Variants in CADM2 observed in about 807,000 individuals in gnomAD.
The protein encoded by CADM2 is cell adhesion molecule 2, also known as immunoglobulin superfamily member 4D.
In CADM2, 12 loss-of-function variants were observed where a neutral mutation model predicts 49.8. The ratio of observed to expected loss-of-function variants is 0.24; its 90% CI spans 0.15 to 0.39. CADM2 has a LOEUF of 0.39. Among genes scored for constraint, CADM2 ranks in the 10% least tolerant of loss-of-function variants. The pLI is 1.00. For missense variants in CADM2, 378 were observed against 492.3 expected, an observed-to-expected ratio of 0.77 and a Z score of 2.20; for synonymous variants, 214 against 175.4, an observed-to-expected ratio of 1.22 and a Z score of -1.74.
At chr3:85,878,875 C>T (rs1035858228) in intron 3 of CADM2, among the ~76,000 whole-genome samples, 1 of 151,956 alleles carries the variant, frequency 6.6e-6, no homozygotes, top group African/African-American at 2.4e-5. Flanking sequence ...TCAGTGGAAC[C>T]TGTGTTAGGG....
chr3:85,012,056 A>G (rs2034022389), intron 1 of CADM2, among the ~76,000 whole-genome samples: 3 of 151,832 alleles, frequency 2.0e-5, no homozygotes, highest in Non-Finnish European at 2.9e-5. Context: ...CCATTGAGAT[A>G]TAATGGCGAA....
intron 1 of CADM2, among the ~76,000 whole-genome samples, chr3:85,350,059 G>T (rs529926786): frequency 2.6e-5 from 4 of 152,302 alleles, no homozygotes; most frequent in African/African-American, 9.6e-5. Context: ...AATAAATTAT[G>T]CTTATGAAGA....
At chr3:85,526,191 G>T (rs921643667) in intron 1 of CADM2, among the ~76,000 whole-genome samples, 1 of 152,000 alleles carries the variant, frequency 6.6e-6, no homozygotes, top group South Asian at 2.1e-4. Flanking sequence ...GATCTTTCAA[G>T]GCTCACTGTC....
At chr3:85,032,214 G>GT (rs763603532) in intron 1 of CADM2, among the ~76,000 whole-genome samples, 40 of 119,590 alleles carry the variant, frequency 3.3e-4, no homozygotes, top group African/African-American at 1.2e-3. Context: ...CCCAGTTACT[G>GT]GTTTTTTTTT....
At chr3:85,460,408 CT>C (rs2038189883) in intron 1 of CADM2, among the ~76,000 whole-genome samples, 1 of 152,100 alleles carries the variant, frequency 6.6e-6, no homozygotes, top group Non-Finnish European at 1.5e-5. Flanking sequence ...CTCAGACACA[CT>C]TATTGATCTA....
At chr3:85,018,276 C>T (rs1204548190) in intron 1 of CADM2, among the ~76,000 whole-genome samples, 1 of 152,142 alleles carries the variant, frequency 6.6e-6, no homozygotes, top group Non-Finnish European at 1.5e-5. Flanking sequence ...AACAAAACCC[C>T]TCTAAGTCCT....
At chr3:85,104,616 G>A (rs956414990) in intron 1 of CADM2, among the ~76,000 whole-genome samples, 26 of 152,116 alleles carry the variant, frequency 1.7e-4, no homozygotes, top group African/African-American at 5.8e-4. Context: ...GAAAGTCATT[G>A]GTAGCTTGAT....
At chr3:85,354,468 C>T (rs1363917529) in intron 1 of CADM2, among the ~76,000 whole-genome samples, 1 of 151,494 alleles carries the variant, frequency 6.6e-6, no homozygotes, top group Non-Finnish European at 1.5e-5. Flanking sequence ...CAAACCTGCA[C>T]ATTGTGCACA....
chr3:85,614,979 T>C (rs559870319), intron 1 of CADM2, among the ~76,000 whole-genome samples: 132 of 152,122 alleles, frequency 8.7e-4, no homozygotes, highest in Non-Finnish European at 1.5e-3. Flanking sequence ...GCCTTTGATA[T>C]AGCTGTCCTT....
chr3:85,963,888 G>T (rs1184046167), intron 8 of CADM2, among the ~76,000 whole-genome samples: 1 of 151,708 alleles, frequency 6.6e-6, no homozygotes, highest in African/African-American at 2.4e-5. Context: ...ATAGATTAAT[G>T]CTATTCATGC....
chr3:85,197,263 C>A (rs551512841), intron 1 of CADM2, among the ~76,000 whole-genome samples: 1 of 151,882 alleles, frequency 6.6e-6, no homozygotes, highest in South Asian at 2.1e-4. Context: ...ACACATCCTA[C>A]ATAATTTTAT....
chr3:85,641,572 C>T (rs2064713837), intron 1 of CADM2, among the ~76,000 whole-genome samples: 1 of 152,058 alleles, frequency 6.6e-6, no homozygotes. Context: ...TATCTAATAT[C>T]TTAAACATTT....
intron 1 of CADM2, among the ~76,000 whole-genome samples, chr3:85,272,949 A>T (rs1194696196): frequency 6.6e-5 from 10 of 151,308 alleles, no homozygotes; most frequent in Non-Finnish European, 1.5e-4. Flanking sequence ...TAAGTGTATA[A>T]GTGTTATGAT....
rs531845368 is a variant in CADM2, at chr3:85,227,970, C to T, written c.61+268302C>T. Among the ~76,000 whole-genome samples, 3 of 152,296 alleles carry T rather than the reference C, an allele frequency of 2.0e-5. No individual in the cohort carries two copies. The East Asian group carries it at 5.8e-4, about 29-fold the overall frequency. On this transcript the variant is annotated intron_variant, in intron 1 of 9. Coordinates refer to ENST00000383699, the MANE Select transcript of CADM2 (RefSeq NM_001167675.2). ...AGAATGTTGAATATTGGCCCCCATT[C>T]TCTTCTGGCTTATAGAGTTTCTGCT... is the stretch of plus-strand genomic sequence containing the variant.
At chr3:85,221,059 C>T (rs111865561) in intron 1 of CADM2, among the ~76,000 whole-genome samples, 5 of 152,100 alleles carry the variant, frequency 3.3e-5, no homozygotes, top group African/African-American at 9.7e-5. Context: ...AGTAAAGAAT[C>T]GGATGAGGAA....
At chr3:85,899,958 G>C (rs574930349) in intron 5 of CADM2, among the ~76,000 whole-genome samples, 2 of 152,068 alleles carry the variant, frequency 1.3e-5, no homozygotes, top group South Asian at 4.2e-4. Context: ...TCTTCTTCTC[G>C]GTACTCTGCT....
chr3:85,986,723 T>C (rs1228751843), intron 8 of CADM2, among the ~76,000 whole-genome samples: 1 of 152,110 alleles, frequency 6.6e-6, no homozygotes, highest in African/African-American at 2.4e-5. Flanking sequence ...ACTAAATATC[T>C]AAAATAGTTC....
At chr3:85,183,783 A>T (rs2040990686) in intron 1 of CADM2, among the ~76,000 whole-genome samples, 1 of 152,148 alleles carries the variant, frequency 6.6e-6, no homozygotes, top group Non-Finnish European at 1.5e-5. Flanking sequence ...AATTTGTAGA[A>T]CATAGCTCCA....
intron 1 of CADM2, among the ~76,000 whole-genome samples, chr3:85,690,664 C>T (rs2066353052): frequency 6.6e-6 from 1 of 152,140 alleles, no homozygotes; most frequent in African/African-American, 2.4e-5. Flanking sequence ...GTACATAGTT[C>T]ATGTTGCTAA....
Sources: allele counts gnomAD v4.1 joint callset (sites outside exome capture counted in the v4.1 genomes callset), GRCh38; gene constraint gnomAD v4.1.1; transcripts MANE v1.5; gene names NCBI Gene and HGNC (gene_info 2026-07-23, HGNC 2026-07-21).